Variants in CDK14 observed in about 807,000 individuals in gnomAD.
CDK14 encodes cyclin-dependent kinase 14.
Under a neutral mutation model 60.7 loss-of-function variants are expected in CDK14, and 34 were observed. The observed-to-expected ratio is 0.56, with a 90% CI of 0.43 to 0.75. The LOEUF is 0.75. Ranked by LOEUF, CDK14 falls within the 30% of genes least tolerant of loss-of-function variation. The pLI, the probability that CDK14 is intolerant of heterozygous loss-of-function variation, is 0.00. For synonymous variants in CDK14, 197 were observed against 203.7 expected (o/e 0.97, Z 0.28); for missense variants, 482 against 564.1 (o/e 0.85, Z 1.47).
intron 6 of CDK14, among the ~76,000 whole-genome samples, chr7:90,867,794 A>G (rs1464250239): frequency 1.3e-5 from 2 of 151,678 alleles, no homozygotes; most frequent in Non-Finnish European, 2.9e-5. Context: ...TTTTGGTAGT[A>G]GAGTAGATTT....
At chr7:90,835,463 G>A (rs919690730) in intron 5 of CDK14, among the ~76,000 whole-genome samples, 1 of 152,190 alleles carries the variant, frequency 6.6e-6, no homozygotes, top group Non-Finnish European at 1.5e-5. Context: ...TTTGCCCTTT[G>A]TAGGAGCAGT....
intron 14 of CDK14, among the ~76,000 whole-genome samples, chr7:91,147,915 A>G (rs1800707648): frequency 6.6e-6 from 1 of 152,232 alleles, no homozygotes; most frequent in Non-Finnish European, 1.5e-5. Context: ...TCAGGGAATC[A>G]GTCAAGTAGT....
intron 10 of CDK14, among the ~76,000 whole-genome samples, chr7:91,032,915 T>A (rs1202895465): frequency 2.0e-5 from 3 of 152,244 alleles, no homozygotes; most frequent in Non-Finnish European, 2.9e-5. Flanking sequence ...ATCAATTCAA[T>A]AACTTTGTCG....
At chr7:90,733,275 G>A (rs1040128135) in intron 3 of CDK14, among the ~76,000 whole-genome samples, 3 of 152,106 alleles carry the variant, frequency 2.0e-5, no homozygotes, top group Non-Finnish European at 2.9e-5. Flanking sequence ...CAATTTTAGT[G>A]TATGTGTGAT....
chr7:90,681,378 G>A (rs1450241298), intron 2 of CDK14, among the ~76,000 whole-genome samples: 1 of 152,132 alleles, frequency 6.6e-6, no homozygotes, highest in Non-Finnish European at 1.5e-5. Context: ...TTCCATTACA[G>A]GCTTGGTGGA....
intron 2 of CDK14, among the ~76,000 whole-genome samples, chr7:90,659,873 C>CTG (rs1330854132): frequency 1.1e-3 from 149 of 140,742 alleles, no homozygotes; most frequent in Non-Finnish European, 1.9e-3. Flanking sequence ...CTCTCTCTCT[C>CTG]TCTGTGTGTG....
intron 14 of CDK14, among the ~76,000 whole-genome samples, chr7:91,131,097 T>G (rs1044507194): frequency 2.0e-5 from 3 of 152,066 alleles, no homozygotes; most frequent in East Asian, 1.9e-4. Flanking sequence ...TTTTTATTTT[T>G]TTTTTGTTTT....
At chr7:90,658,717 G>C (rs1800803085) in intron 2 of CDK14, among the ~76,000 whole-genome samples, 1 of 152,062 alleles carries the variant, frequency 6.6e-6, no homozygotes, top group Non-Finnish European at 1.5e-5. Flanking sequence ...GATATGGGTT[G>C]TTATCATTTT....
chr7:90,645,997 G>A (rs997135858), intron 2 of CDK14, among the ~76,000 whole-genome samples: 13 of 152,208 alleles, frequency 8.5e-5, no homozygotes, highest in Admixed American at 5.9e-4. Context: ...ACATTTATGG[G>A]TGGAGTCTGT....
intron 6 of CDK14, among the ~76,000 whole-genome samples, chr7:90,876,070 A>G (rs980038318): frequency 6.6e-6 from 1 of 151,964 alleles, no homozygotes; most frequent in Non-Finnish European, 1.5e-5. Flanking sequence ...TGAATATTTG[A>G]GGCTTTGGCC....
intron 14 of CDK14, among the ~76,000 whole-genome samples, chr7:91,152,630 G>A (rs1323260860): frequency 1.3e-5 from 2 of 152,094 alleles, no homozygotes; most frequent in Non-Finnish European, 2.9e-5. Flanking sequence ...ATGTGCTGGG[G>A]CTGTAAAGCT....
chr7:91,110,135 G>A (rs1037798999), intron 12 of CDK14, among the ~76,000 whole-genome samples: 2 of 151,916 alleles, frequency 1.3e-5, no homozygotes, highest in African/African-American at 4.8e-5. Flanking sequence ...AACAACTTAG[G>A]TAGACCGAAA....
intron 2 of CDK14, among the ~76,000 whole-genome samples, chr7:90,662,808 T>C (rs1033137572): frequency 3.9e-5 from 6 of 152,172 alleles, no homozygotes; most frequent in Admixed American, 3.9e-4. Context: ...TATTGCTTTT[T>C]CTCAAGAAGA....
intron 2 of CDK14, among the ~76,000 whole-genome samples, chr7:90,671,389 G>A (rs1372175006): frequency 2.0e-5 from 3 of 151,726 alleles, no homozygotes; most frequent in African/African-American, 7.3e-5. Flanking sequence ...GCTTGAATAA[G>A]GTTATCAGAA....
At chr7:90,686,370 A>C (rs762576894) in intron 2 of CDK14, among the ~76,000 whole-genome samples, 4 of 152,192 alleles carry the variant, frequency 2.6e-5, no homozygotes, top group Non-Finnish European at 4.4e-5. Context: ...ATTCAGCGAG[A>C]AGAAGTCTTG....
intron 2 of CDK14, among the ~76,000 whole-genome samples, chr7:90,609,392 T>A (rs1799489166): frequency 6.6e-6 from 1 of 152,004 alleles, no homozygotes; most frequent in African/African-American, 2.4e-5. Context: ...CTGCCAAATC[T>A]CGTGTTGGAA....
chr7:90,609,557 T>C (rs1799494230), intron 2 of CDK14, among the ~76,000 whole-genome samples: 1 of 152,136 alleles, frequency 6.6e-6, no homozygotes, highest in South Asian at 2.1e-4. Flanking sequence ...GCTGTCTTGC[T>C]CTTAGCTTCT....
chr7:91,022,420 A>G (rs1233547730), intron 10 of CDK14, among the ~76,000 whole-genome samples: 1 of 146,476 alleles, frequency 6.8e-6, no homozygotes. Context: ...TTCTTCTCCA[A>G]AAATGCCTAC....
chr7:91,134,221 G>A (rs1241646063), intron 14 of CDK14, among the ~76,000 whole-genome samples: 1 of 152,142 alleles, frequency 6.6e-6, no homozygotes, highest in Non-Finnish European at 1.5e-5. Context: ...GGATGGAGAT[G>A]TTGCAAACAG....
Sources: allele counts gnomAD v4.1 joint callset (sites outside exome capture counted in the v4.1 genomes callset), GRCh38; gene constraint gnomAD v4.1.1; transcripts MANE v1.5; gene names NCBI Gene and HGNC (gene_info 2026-07-23, HGNC 2026-07-21).